Variants in TNRC18 observed in about 807,000 individuals in gnomAD.
TNRC18 encodes trinucleotide repeat-containing gene 18 protein.
A neutral mutation model predicts 226.7 loss-of-function variants in TNRC18; 69 were observed. That is an observed-to-expected ratio of 0.30 (90% CI 0.25 to 0.37). The LOEUF (loss-of-function observed/expected upper bound fraction) is 0.37, where lower values mean the gene tolerates loss of function less well. Ranked by LOEUF, TNRC18 falls within the 10% of genes least tolerant of loss-of-function variation. TNRC18 has a pLI of 1.00. For synonymous variants in TNRC18, 2,449 were observed against 1,927.6 expected, an observed-to-expected ratio of 1.27 and a Z score of -7.09; for missense variants, 4,754 against 4,256.6, an observed-to-expected ratio of 1.12 and a Z score of -3.25.
intron 2 of TNRC18, among the ~76,000 whole-genome samples, chr7:5,410,860 CAAA>C (rs34320785): frequency 1.1e-3 from 42 of 37,174 alleles, no homozygotes; most frequent in Admixed American, 2.3e-3. Flanking sequence ...GACTCCATCT[CAAA>C]AAAAAAAAAA....
intron 2 of TNRC18, among the ~76,000 whole-genome samples, chr7:5,414,905 C>T (rs1349090992): frequency 6.6e-6 from 1 of 152,204 alleles, no homozygotes; most frequent in African/African-American, 2.4e-5. Flanking sequence ...CAATAGAGAG[C>T]CATACATTGC....
At chr7:5,420,860 G>A (rs948795220) in intron 2 of TNRC18, 200 bp downstream of exon 2, 3 of 754,810 alleles carry the variant, frequency 4.0e-6, no homozygotes, top group Admixed American at 2.0e-5. Context: ...TACGGAAAAG[G>A]TAGCCGAGCC....
chr7:5,361,645 CTCGGGGCGT>C lies in TNRC18; in HGVS notation c.4601_4609del (p.His1534_Ser1537delinsArg). 1 of 1,555,012 alleles carries C rather than the reference CTCGGGGCGT, an allele frequency of 6.4e-7. No homozygotes were observed. Among genetic ancestry groups the C allele is most frequent in the Non-Finnish European group, 8.7e-7 (1 of 1,151,432 alleles). ...TCTCTTGCGGGGGGGCGACAGGGCG[CTCGGGGCGT>C]GGGTCCGTTTCCGCGGCCTGCCAGG... is the stretch of plus-strand genomic sequence containing the variant. On this transcript the variant is annotated inframe_deletion, in exon 14 of 30. Transcript: ENST00000430969.
intron 2 of TNRC18, among the ~76,000 whole-genome samples, chr7:5,419,107 G>A (rs1782375258): frequency 1.3e-5 from 2 of 152,228 alleles, no homozygotes; most frequent in Admixed American, 6.5e-5. Flanking sequence ...AGGGCTCCGA[G>A]GCTACCTCCC....
At chr7:5,328,658 G>A (rs1305317741) in intron 19 of TNRC18, among the ~76,000 whole-genome samples, 10 of 151,946 alleles carry the variant, frequency 6.6e-5, no homozygotes, top group Non-Finnish European at 1.3e-4. Flanking sequence ...ACAGGTGACC[G>A]CCACCACACC....
At chr7:5,361,539 G>T in intron 14 of TNRC18, 55 bp downstream of exon 14, 1 of 1,437,894 alleles carries the variant, frequency 7.0e-7, no homozygotes, top group Non-Finnish European at 9.1e-7. Flanking sequence ...TGGGGCCCGG[G>T]CTCCTCCCCT....
At position 5,374,196 on chromosome 7, in the gene TNRC18, G is replaced by A. The variant is rs1794416952; in HGVS notation, c.3088C>T (p.His1030Tyr). ...GAGGCGGGCGGCGGGCTGGTGGGGT[G>A]GGAGCTGGGGGTGGCGGGGTAGGCG... The part of the protein sequence containing the change: ...AYAYPATPSS[H>Y]PTSPPPASPP... Residue 1030 changes from histidine to tyrosine, a missense_variant, in exon 10 of 30, where the codon CAC becomes TAC. Transcript: ENST00000430969. 2 of 1,436,156 alleles carry A rather than the reference G, an allele frequency of 1.4e-6. No homozygotes were observed. The highest frequency in any genetic ancestry group is 1.8e-6 in the Non-Finnish European group (2 of 1,094,444). 89.0% of individuals were successfully genotyped at this position (1,436,156 alleles called of 1,614,324 possible). A position where few individuals can be genotyped will look rare whatever the true frequency, so the allele number is the denominator to read the frequency against.
chr7:5,377,992 C>G lies in TNRC18; in HGVS notation c.2185G>C (p.Asp729His). ...CGTTCCTCCCGGTGTCTGGCCCGGT[C>G]GTCCACACAGTCCTCATCTGCTCGG... ...HGRADEDCVD[D>H]RARHREERLL... Residue 729 changes from aspartate (D) to histidine (H), a missense_variant, in exon 6 of 30, where the codon GAC becomes CAC. Asp to His is a moderately conservative substitution (Grantham distance 81). Transcript: ENST00000430969. The surrounding 1 kb of genome is among the most constrained non-coding windows in gnomAD (Gnocchi z 5.8). 1 of 1,612,886 alleles carries G rather than the reference C, an allele frequency of 6.2e-7. No individual in the cohort carries two copies. Among genetic ancestry groups the G allele is most frequent in the Admixed American group, 1.7e-5 (1 of 60,008 alleles).
chr7:5,389,147 C>A lies in TNRC18; in HGVS notation c.677G>T (p.Arg226Leu). 7.6e-7 allele frequency: 1 copy of A among 1,321,948 alleles called. No individual in the cohort carries two copies. 81.9% of individuals were successfully genotyped at this position (1,321,948 alleles called of 1,614,324 possible). A position where few individuals can be genotyped will look rare whatever the true frequency, so the allele number is the denominator to read the frequency against. Residue 226 changes from arginine to leucine, a missense_variant, in exon 5 of 30, where the codon CGC (arginine) becomes CTC (leucine). Transcript: ENST00000430969. ...PPPLFGKKDPRARGEEASGPR... is the reference protein window; with the variant it reads ...PPPLFGKKDPLARGEEASGPR... Reference sequence around the variant, plus strand: ...CCCCGAGGCCTCCTCGCCCCGGGCGCGCGGGTCCTTCTTGCCGAAAAGCGG... The same window carrying A: ...CCCCGAGGCCTCCTCGCCCCGGGCGAGCGGGTCCTTCTTGCCGAAAAGCGG...
In TNRC18 at chr7:5,309,386, T is replaced by A; in HGVS notation, c.8389-18A>T. 1 of 1,592,614 alleles carries A rather than the reference T, an allele frequency of 6.3e-7. No homozygotes were observed. The highest frequency in any genetic ancestry group is 1.1e-5 in the South Asian group (1 of 88,074). On this transcript the variant is annotated intron_variant, in intron 27 of 29. Transcript: ENST00000430969. The surrounding 1 kb of genome is among the most constrained non-coding windows in gnomAD (Gnocchi z 5.7). The stretch of plus-strand genomic sequence containing the variant: ...CCACGCCGCTGCAAGGACACGTGTG[T>A]CACGGCACAGGCCCTGGCCCAGCCC...
chr7:5,356,815 A>G, intron 16 of TNRC18, 101 bp downstream of exon 16: 21 of 1,363,558 alleles, frequency 1.5e-5, no homozygotes, highest in East Asian at 2.5e-5. Context: ...CGAGAGCGAG[A>G]GAGAGAGTGA....
intron 5 of TNRC18, among the ~76,000 whole-genome samples, chr7:5,378,794 GA>G (rs951152704): frequency 1.3e-5 from 2 of 151,650 alleles, no homozygotes; most frequent in East Asian, 3.9e-4. Flanking sequence ...TCCAAATGGA[GA>G]AAAAAAACAC....
rs57464872 is a variant in TNRC18, at chr7:5,404,763, AGTGTGT to A, written c.188-10174_188-10169del. On this transcript the variant is annotated intron_variant, in intron 2 of 29. Coordinates refer to ENST00000430969, the MANE Select transcript of TNRC18 (RefSeq NM_001080495.3). ...ACCCCAGCAGCGCATGCACACTTTC[AGTGTGT>A]GTGTGTGTGTGTGTGTGTGTGTGTA... 3.8e-3 allele frequency among the ~76,000 whole-genome samples: 553 copies of A among 147,232 alleles called. 3 individuals carry two copies. In the East Asian group the frequency reaches 0.048, roughly 13 times the overall value.
intron 15 of TNRC18, among the ~76,000 whole-genome samples, chr7:5,358,408 C>G (rs1011272234): frequency 6.6e-6 from 1 of 152,170 alleles, no homozygotes; most frequent in Non-Finnish European, 1.5e-5. Flanking sequence ...AAAACAAAAG[C>G]ATCCCTCACC....
Position 5,308,208 on chromosome 7 carries a change from G to A in TNRC18, c.8805C>T (p.Thr2935=), listed in dbSNP as rs1583704077. 5 of 1,610,680 alleles carry A rather than the reference G, an allele frequency of 3.1e-6. No individual in the cohort carries two copies. The highest frequency in any genetic ancestry group is 1.3e-5 in the African/African-American group (1 of 74,980). ...GLEQYEQMLK[T]KKYQDSEGLY... ...GGCCCTCGCTGTCCTGGTACTTCTT[G>A]GTCTTCAGCATCTGCTCATACTGCT... Residue 2935 remains threonine, a synonymous_variant, in exon 30 of 30, where the codon ACC becomes ACT. Transcript: ENST00000430969.
intron 2 of TNRC18, among the ~76,000 whole-genome samples, chr7:5,415,762 G>A (rs1367533445): frequency 6.6e-6 from 1 of 152,002 alleles, no homozygotes; most frequent in East Asian, 1.9e-4. Flanking sequence ...CCAGGTGGTT[G>A]TCCAGGGAAA....
At chr7:5,375,749 C>A (rs1042260097) in intron 9 of TNRC18, among the ~76,000 whole-genome samples, 1 of 152,182 alleles carries the variant, frequency 6.6e-6, no homozygotes, top group Non-Finnish European at 1.5e-5. Context: ...CTTCCCCAGT[C>A]CCCAAGGCCA....
rs774825445 is a variant in TNRC18 at position 5,307,935 on chromosome 7, C to T, written c.*171G>A. On this transcript the variant is annotated 3_prime_UTR_variant, in exon 30 of 30. Coordinates refer to ENST00000430969, the MANE Select transcript of TNRC18 (RefSeq NM_001080495.3). ...AGGCATGTGCACATGCGTGCACACA[C>T]GTGCATGCACACACACTCACCCGGG... The T allele has an allele frequency of 3.3e-5, 21 of 631,554 alleles. No homozygotes were observed. The highest frequency in any genetic ancestry group is 1.1e-4 in the South Asian group (6 of 52,654). 39.1% of individuals were successfully genotyped at this position (631,554 alleles called of 1,614,324 possible). A position where few individuals can be genotyped will look rare whatever the true frequency, so the allele number is the denominator to read the frequency against.
At position 5,387,935 on chromosome 7, in the gene TNRC18, G is replaced by C. The variant is rs775026540; in HGVS notation, c.1889C>G (p.Ala630Gly). The change falls in exon 5 of 30, where the codon GCC becomes GGC. Residue 630 changes from alanine (A) to glycine (G), a missense_variant. Physicochemically the swap from Ala to Gly is moderately conservative, Grantham distance 60. Coordinates refer to ENST00000430969, the MANE Select transcript of TNRC18 (RefSeq NM_001080495.3). ...KPEPAPTSAG[A>G]SRAQARLPHS... The stretch of plus-strand genomic sequence containing the variant: ...TGGGAGACGGGCCTGGGCTCGGGAG[G>C]CACCCGCAGAGGTGGGCGCAGGCTC... 6.3e-6 allele frequency: 10 copies of C among 1,597,206 alleles called. No individual in the cohort carries two copies. The African/African-American group carries it at 8.0e-5, about 13-fold the overall frequency.
Sources: gnomAD v4.1 joint callset for allele counts (sites outside exome capture counted in the v4.1 genomes callset) on GRCh38, gnomAD v4.1.1 for gene constraint, Gnocchi (gnomAD v3.1) non-coding constraint, MANE v1.5 for transcripts, NCBI Gene and HGNC (gene_info 2026-07-23, HGNC 2026-07-21) for gene names.